Variants in FGF13 observed in about 807,000 individuals in gnomAD.
FGF13 encodes the protein fibroblast growth factor homologous factor 2.
A neutral mutation model predicts 19.5 loss-of-function variants in FGF13; 2 were observed. That is an observed-to-expected ratio of 0.10 (90% CI 0.04 to 0.32). The LOEUF is 0.32. FGF13 is among the 10% of genes least tolerant of loss of function. FGF13 has a pLI of 1.00. For synonymous variants in FGF13, 72 were observed against 76.9 expected, an observed-to-expected ratio of 0.94 and a Z score of 0.33; for missense variants, 113 against 192.7, an observed-to-expected ratio of 0.59 and a Z score of 2.45.
intron 3 of FGF13, among the ~76,000 whole-genome samples, chrX:138,782,267 CTCACCACTCCTAT>C (rs2090650959): frequency 1.8e-5 from 2 of 112,425 alleles, no homozygotes; most frequent in African/African-American, 6.5e-5. Context: ...GATGGCCTCT[CTCACCACTCCTAT>C]TCAACAAAGT....
intron 1 of FGF13, among the ~76,000 whole-genome samples, chrX:138,733,090 C>T (rs2090245267): frequency 9.0e-6 from 1 of 111,604 alleles, no homozygotes; most frequent in Non-Finnish European, 1.9e-5. Context: ...AGCTAATGCT[C>T]AAAATGTGAT....
At chrX:139,022,765 G>C (rs755521256) in intron 1 of FGF13, among the ~76,000 whole-genome samples, 1 of 111,054 alleles carries the variant, frequency 9.0e-6, no homozygotes, top group Non-Finnish European at 1.9e-5. Flanking sequence ...AGGCAGATGT[G>C]GGTCAAACAT....
intron 1 of FGF13, among the ~76,000 whole-genome samples, chrX:138,986,745 A>C (rs950655856): frequency 9.0e-5 from 10 of 111,722 alleles, no homozygotes; most frequent in Non-Finnish European, 1.9e-4. Flanking sequence ...TTTGCTCTAG[A>C]ATAAATTTCT....
At chrX:139,157,176 G>A (rs1344190537) in intron 1 of FGF13, among the ~76,000 whole-genome samples, 1 of 111,047 alleles carries the variant, frequency 9.0e-6, no homozygotes, top group African/African-American at 3.3e-5. Flanking sequence ...TTATTTCACT[G>A]ATAAGCAAAC....
intron 1 of FGF13, among the ~76,000 whole-genome samples, chrX:139,038,013 A>C (rs2092256324): frequency 9.0e-6 from 1 of 111,246 alleles, no homozygotes; most frequent in Admixed American, 9.6e-5. Flanking sequence ...CCACTTGAGT[A>C]TGCCCAATAG....
chrX:139,028,717 G>A (rs1445047614), intron 1 of FGF13, among the ~76,000 whole-genome samples: 9 of 107,790 alleles, frequency 8.3e-5, no homozygotes, highest in African/African-American at 2.7e-4. Context: ...GTGAGAGAGA[G>A]AGAGAGCGTG....
At chrX:139,004,655 G>C (rs1008124472) in intron 1 of FGF13, among the ~76,000 whole-genome samples, 1 of 112,298 alleles carries the variant, frequency 8.9e-6, no homozygotes, top group African/African-American at 3.2e-5. Context: ...CCAGGCCTTG[G>C]CTCTTCAATG....
At position 138,812,765 on chromosome X, in the gene FGF13, G is replaced by A. The variant is rs1344681788; in HGVS notation, c.217+44747C>T. ...AATGGGATACATGTGCAGAACGTGCGGGTTTCCAGGTTTGTTACATAGGTA... is the reference window on the plus strand; with the variant it reads ...AATGGGATACATGTGCAGAACGTGCAGGTTTCCAGGTTTGTTACATAGGTA... On this transcript the variant is annotated intron_variant, in intron 3 of 6. Coordinates refer to the FGF13 transcript ENST00000436198. Among the ~76,000 whole-genome samples the A allele has an allele frequency of 8.1e-5, 9 of 111,053 alleles. No individual in the cohort carries two copies. In the East Asian group the frequency reaches 1.4e-3, roughly 17 times the overall value.
At chrX:138,707,940 G>A (rs1048279370) in intron 2 of FGF13, among the ~76,000 whole-genome samples, 4 of 112,042 alleles carry the variant, frequency 3.6e-5, no homozygotes, top group African/African-American at 1.3e-4. Context: ...TTTCTCAGCC[G>A]ACAATTGGAA....
chrX:138,793,181 T>C (rs1232512416), intron 3 of FGF13, among the ~76,000 whole-genome samples: 1 of 111,239 alleles, frequency 9.0e-6, no homozygotes, highest in Non-Finnish European at 1.9e-5. Flanking sequence ...CTAGACCTTC[T>C]AGAGAGAGTG....
intron 1 of FGF13, among the ~76,000 whole-genome samples, chrX:138,926,695 G>C (rs5974782): frequency 0.035 from 3,927 of 112,132 alleles, 181 homozygotes; most frequent in African/African-American, 0.12. Flanking sequence ...GCTCACACCT[G>C]TAATCCCAGC....
At chrX:138,732,535 G>C (rs998403911) in intron 1 of FGF13, among the ~76,000 whole-genome samples, 26 of 111,345 alleles carry the variant, frequency 2.3e-4, no homozygotes, top group Non-Finnish European at 4.2e-4. Context: ...TTCTAAAATA[G>C]GAAAAACGAA....
intron 1 of FGF13, among the ~76,000 whole-genome samples, chrX:138,709,242 T>C (rs1464326621): frequency 4.4e-5 from 5 of 112,382 alleles, no homozygotes; most frequent in Non-Finnish European, 9.4e-5. Context: ...CAAATGGCTA[T>C]TCTGCCTTTT....
At chrX:138,828,744 A>C (rs2091052144) in intron 3 of FGF13, among the ~76,000 whole-genome samples, 1 of 108,431 alleles carries the variant, frequency 9.2e-6, no homozygotes, top group Admixed American at 9.9e-5. Flanking sequence ...TTGCATTGAG[A>C]GGTATCAGAA....
intron 1 of FGF13, among the ~76,000 whole-genome samples, chrX:139,202,878 G>A (rs372289476): frequency 1.3e-4 from 15 of 111,517 alleles, no homozygotes; most frequent in African/African-American, 4.6e-4. Context: ...CTCGGCGTGG[G>A]TCGCTGCGGT....
At chrX:138,703,260 CA>C (rs1339213735) in intron 2 of FGF13, among the ~76,000 whole-genome samples, 173 bp from the exon 3 acceptor site, 1 of 111,873 alleles carries the variant, frequency 8.9e-6, no homozygotes, top group East Asian at 2.8e-4. Context: ...CAAACACACC[CA>C]CACATACCCC....
intron 3 of FGF13, among the ~76,000 whole-genome samples, chrX:138,844,408 G>T (rs1417546371): frequency 1.8e-5 from 2 of 111,793 alleles, no homozygotes; most frequent in Admixed American, 9.5e-5. Flanking sequence ...TCTTTCCTTA[G>T]CAGTTAGACA....
At chrX:138,859,072 C>A (rs1027004755) in intron 2 of FGF13, among the ~76,000 whole-genome samples, 8 of 111,925 alleles carry the variant, frequency 7.1e-5, no homozygotes, top group African/African-American at 2.6e-4. Context: ...CAGCAGCAAT[C>A]AAAAATATTA....
In FGF13 at chrX:138,627,113, A is replaced by AC. The variant is rs2089070024; in HGVS notation, c.*5736dup. On this transcript the variant is annotated 3_prime_UTR_variant, in exon 5 of 5. Transcript: ENST00000315930. ...GGAAAGAAAAATTCTCTGTTACTAA[A>AC]CCCCAGAATATCTTTTTCTACAAAA... is the stretch of plus-strand genomic sequence containing the variant. 1 of 111,431 alleles carries AC rather than the reference A, an allele frequency of 9.0e-6. No homozygotes were observed. The highest frequency in any genetic ancestry group is 1.9e-5 in the Non-Finnish European group (1 of 53,122). 9.2% of individuals were successfully genotyped at this position (111,431 alleles called of 1,213,427 possible). A position where few individuals can be genotyped will look rare whatever the true frequency, so the allele number is the denominator to read the frequency against.
Sources: allele counts gnomAD v4.1 joint callset (sites outside exome capture counted in the v4.1 genomes callset), GRCh38; gene constraint gnomAD v4.1.1; transcripts MANE v1.5; gene names NCBI Gene and HGNC (gene_info 2026-07-23, HGNC 2026-07-21).